UTP18: variants seen among roughly 807,000 people sequenced by gnomAD.
UTP18 encodes U3 small nucleolar RNA-associated protein 18 homolog.
Under a neutral mutation model 61.1 loss-of-function variants are expected in UTP18, and 36 were observed. The observed-to-expected ratio is 0.59, with a 90% CI of 0.45 to 0.78. The LOEUF is 0.78. Among genes scored for constraint, UTP18 ranks in the 30% least tolerant of loss-of-function variants. The pLI is 0.00. For synonymous variants in UTP18, 282 were observed against 251.1 expected, an observed-to-expected ratio of 1.12 and a Z score of -1.16; for missense variants, 753 against 693.9, an observed-to-expected ratio of 1.09 and a Z score of -0.96.
chr17:51,273,339 C>A lies in UTP18; in HGVS notation c.623-23C>A, dbSNP rs116676531. 7.1e-4 allele frequency: 1,121 copies of A among 1,582,484 alleles called. 10 individuals are homozygous for A. In the African/African-American group the frequency reaches 0.011, roughly 16 times the overall value. ...GCAGCTCATTGATTCTAAAGATCAG[C>A]CTTCTGGGTTTGTTTGACTTAGATG... On this transcript the variant is annotated intron_variant, in intron 4 of 13. Transcript: ENST00000225298.
chr17:51,278,792 G>T (rs2144418625), intron 7 of UTP18, among the ~76,000 whole-genome samples: 1 of 152,250 alleles, frequency 6.6e-6, no homozygotes, highest in East Asian at 1.9e-4. Context: ...TCAGAAATTT[G>T]GATTAAAATT....
At chr17:51,285,417 A>G in intron 10 of UTP18, 49 bp downstream of exon 10, 1 of 1,588,490 alleles carries the variant, frequency 6.3e-7, no homozygotes, top group Non-Finnish European at 8.6e-7. Flanking sequence ...TGCTAATGAG[A>G]ATATGTTGAG....
intron 1 of UTP18, among the ~76,000 whole-genome samples, chr17:51,261,201 C>T (rs1247706463): frequency 1.3e-5 from 2 of 152,356 alleles, no homozygotes; most frequent in Non-Finnish European, 1.5e-5. Flanking sequence ...TCGTGAGCAT[C>T]TTTCGCTGCT....
chr17:51,289,527 A>C (rs1905195215), intron 11 of UTP18, among the ~76,000 whole-genome samples: 1 of 152,050 alleles, frequency 6.6e-6, no homozygotes, highest in Non-Finnish European at 1.5e-5. Flanking sequence ...TAAGGATAGC[A>C]GCCTTGGGCC....
At chr17:51,283,821 G>A (rs1438544660) in intron 9 of UTP18, among the ~76,000 whole-genome samples, 1 of 151,846 alleles carries the variant, frequency 6.6e-6, no homozygotes, top group African/African-American at 2.4e-5. Context: ...CACCATTTTG[G>A]CCAGGTTGGT....
intron 2 of UTP18, 64 bp from the exon 3 acceptor site, chr17:51,266,118 A>G (rs2055558243): frequency 3.1e-6 from 4 of 1,287,796 alleles, no homozygotes; most frequent in Non-Finnish European, 3.1e-6. Context: ...CAAGTGCTAA[A>G]AGCAGCAGCT....
At chr17:51,289,932 G>T (rs1005361920) in intron 11 of UTP18, among the ~76,000 whole-genome samples, 1 of 152,166 alleles carries the variant, frequency 6.6e-6, no homozygotes, top group African/African-American at 2.4e-5. Flanking sequence ...TTGTGATTTA[G>T]ATTCCACATT....
chr17:51,269,831 A>G (rs1045772569), intron 4 of UTP18, among the ~76,000 whole-genome samples: 8 of 136,124 alleles, frequency 5.9e-5, no homozygotes, highest in African/African-American at 2.1e-4. Flanking sequence ...AATATATCAA[A>G]TAATGTATTG....
In UTP18 at chr17:51,260,773, C is replaced by CGCG. The variant is rs1420208345; in HGVS notation, c.197_199dup (p.Ala66dup). 6.3e-7 allele frequency: 1 copy of CGCG among 1,579,064 alleles called. No individual in the cohort carries two copies. Among genetic ancestry groups the CGCG allele is most frequent in the African/African-American group, 1.3e-5 (1 of 74,168 alleles). On this transcript the variant is annotated inframe_insertion, in exon 1 of 14. Coordinates refer to ENST00000225298, the MANE Select transcript of UTP18 (RefSeq NM_016001.3). ...GCGCGGCGGCCGCTGCGATTGCAGTCGCGGCGGCGGAGGAAGAGAGACGGC... is the reference window on the plus strand; with the variant it reads ...GCGCGGCGGCCGCTGCGATTGCAGTCGCGGCGGCGGCGGAGGAAGAGAGACGGC...
intron 7 of UTP18, among the ~76,000 whole-genome samples, chr17:51,279,492 T>G (rs1016177107): frequency 6.7e-6 from 1 of 148,896 alleles, no homozygotes; most frequent in African/African-American, 2.6e-5. Flanking sequence ...GTTTTGGGGT[T>G]TTTTTTGTTT....
Position 51,277,185 on chromosome 17 carries a change from T to C in UTP18, c.893T>C (p.Ile298Thr). The C allele has an allele frequency of 6.2e-7, 1 of 1,614,182 alleles. No individual in the cohort carries two copies. The highest frequency in any genetic ancestry group is 8.5e-7 in the Non-Finnish European group (1 of 1,180,020). Residue 298 changes from isoleucine to threonine, a missense_variant, in exon 7 of 14, where the codon ATC becomes ACC. Transcript: ENST00000225298. ...AGCATCTATTTGGAAAGGTTTCCAA[T>C]CTTTAAGGCTTGTTTTAGTGCTAAT... ...IQSIYLERFPIFKACFSANGE... is the reference protein window; with the variant it reads ...IQSIYLERFPTFKACFSANGE...
At chr17:51,261,205 C>A (rs902148115) in intron 1 of UTP18, among the ~76,000 whole-genome samples, 2 of 152,242 alleles carry the variant, frequency 1.3e-5, no homozygotes, top group African/African-American at 4.8e-5. Flanking sequence ...GAGCATCTTT[C>A]GCTGCTGCTC....
At chr17:51,266,114 C>G in intron 2 of UTP18, 68 bp from the exon 3 acceptor site, 1 of 1,237,050 alleles carries the variant, frequency 8.1e-7, no homozygotes, top group South Asian at 1.8e-5. Context: ...TCTCCAAGTG[C>G]TAAAAGCAGC....
In UTP18 at chr17:51,277,241, A is replaced by T; in HGVS notation, c.949A>T (p.Ser317Cys). Reference sequence around the variant, plus strand: ...AGAAGTTTTAGCCACGAGTACCCACAGCAAGGTTCTTTATGTCTATGACAT... The same window carrying T: ...AGAAGTTTTAGCCACGAGTACCCACTGCAAGGTTCTTTATGTCTATGACAT... ...GEEVLATSTHSKVLYVYDMLA... is the reference protein window; with the variant it reads ...GEEVLATSTHCKVLYVYDMLA... The change falls in exon 7 of 14, where the codon AGC becomes TGC. Residue 317 changes from serine to cysteine, a missense_variant. Ser to Cys is a moderately radical substitution (Grantham distance 112). Coordinates refer to ENST00000225298, the MANE Select transcript of UTP18 (RefSeq NM_016001.3). 6.2e-7 allele frequency: 1 copy of T among 1,614,208 alleles called. No individual in the cohort carries two copies. The highest frequency in any genetic ancestry group is 1.6e-4 in the Middle Eastern group (1 of 6,062).
intron 3 of UTP18, among the ~76,000 whole-genome samples, chr17:51,267,138 T>C (rs1158718557): frequency 1.3e-5 from 2 of 152,112 alleles, no homozygotes; most frequent in Non-Finnish European, 2.9e-5. Flanking sequence ...AATTTTTGTA[T>C]TTTTTTGTAG....
chr17:51,264,677 T>C (rs1409034640), intron 2 of UTP18, among the ~76,000 whole-genome samples: 2 of 151,822 alleles, frequency 1.3e-5, no homozygotes, highest in African/African-American at 2.4e-5. Context: ...TTTTTGTGTT[T>C]AGTCATTGTC....
rs1905162728 is a variant in UTP18, at chr17:51,288,209, TATTTC to T, written c.1503+10_1503+14del. 1 of 1,573,922 alleles carries T rather than the reference TATTTC, an allele frequency of 6.4e-7. No homozygotes were observed. The highest frequency in any genetic ancestry group is 8.6e-7 in the Non-Finnish European group (1 of 1,167,628). On this transcript the variant is annotated splice_region_variant and intron_variant, in intron 11 of 13. Coordinates refer to ENST00000225298, the MANE Select transcript of UTP18 (RefSeq NM_016001.3). Reference sequence around the variant, plus strand: ...TGAAAGAAGCAGTCAGATTGGTAAATATTTCATTACCCCTTTATTATTGTTATTTT... The same window carrying T: ...TGAAAGAAGCAGTCAGATTGGTAAATATTACCCCTTTATTATTGTTATTTT...
chr17:51,275,681 C>CT, intron 5 of UTP18, among the ~76,000 whole-genome samples, 185 bp from the exon 6 acceptor site: 1 of 150,114 alleles, frequency 6.7e-6, no homozygotes, highest in South Asian at 2.1e-4. Context: ...GGTAAAGTGA[C>CT]TTGCTAGTTG....
intron 6 of UTP18, among the ~76,000 whole-genome samples, chr17:51,276,788 C>G (rs1168662924): frequency 6.6e-6 from 1 of 152,200 alleles, no homozygotes; most frequent in East Asian, 1.9e-4. Flanking sequence ...ATGGGACTGA[C>G]TCTTATCTCC....
Sources: allele counts gnomAD v4.1 joint callset (sites outside exome capture counted in the v4.1 genomes callset), GRCh38; gene constraint gnomAD v4.1.1; transcripts MANE v1.5; gene names NCBI Gene and HGNC (gene_info 2026-07-23, HGNC 2026-07-21).